The following ENTHD1 variants were observed in gnomAD, a reference collection of about 807,000 sequenced individuals.
ENTHD1 encodes the protein ENTH domain-containing protein 1.
A neutral mutation model predicts 39.1 loss-of-function variants in ENTHD1; 23 were observed. That is an observed-to-expected ratio of 0.59 (90% CI 0.42 to 0.83). The LOEUF (loss-of-function observed/expected upper bound fraction) is 0.83, where lower values mean the gene tolerates loss of function less well. ENTHD1 is among the 40% of genes least tolerant of loss of function. ENTHD1 has a pLI of 0.00. For synonymous variants in ENTHD1, 230 were observed against 258.2 expected (o/e 0.89, Z 1.05); for missense variants, 624 against 705.4 (o/e 0.88, Z 1.31).
chr22:39,819,783 G>A (rs1440031461), intron 5 of ENTHD1, among the ~76,000 whole-genome samples: 2 of 152,190 alleles, frequency 1.3e-5, no homozygotes, highest in African/African-American at 2.4e-5. Flanking sequence ...TGTAACAAAT[G>A]TACCACTCTG....
chr22:39,774,371 TAATCCTG>T (rs2065351040), intron 5 of ENTHD1, among the ~76,000 whole-genome samples: 1 of 152,176 alleles, frequency 6.6e-6, no homozygotes, highest in Admixed American at 6.6e-5. Context: ...TCACACATAT[TAATCCTG>T]AACCCTGACC....
At chr22:39,874,814 AAAC>A (rs1340543032) in intron 2 of ENTHD1, among the ~76,000 whole-genome samples, 1 of 152,270 alleles carries the variant, frequency 6.6e-6, no homozygotes, top group Non-Finnish European at 1.5e-5. Flanking sequence ...AACCAAATTG[AAAC>A]AACATTATAC....
intron 4 of ENTHD1, among the ~76,000 whole-genome samples, chr22:39,834,053 T>C (rs1188617232): frequency 1.3e-5 from 2 of 152,044 alleles, no homozygotes; most frequent in Admixed American, 6.5e-5. Context: ...ATGACACTTT[T>C]AGGAGAAAAC....
rs112597240 is a variant in ENTHD1, at chr22:39,761,499, G to A, written c.1219+3724C>T. Among the ~76,000 whole-genome samples the A allele has an allele frequency of 2.8e-4, 42 of 152,194 alleles. 1 individual carries two copies. The highest frequency in any genetic ancestry group is 9.6e-4 in the African/African-American group (40 of 41,542). On this transcript the variant is annotated intron_variant, in intron 6 of 6. Transcript: ENST00000325157. ...ACACATTTGGAGAGGTTTGAGCATT[G>A]TCTCTTCAAATGATTTTTTCTGACC...
intron 3 of ENTHD1, among the ~76,000 whole-genome samples, chr22:39,855,215 A>C (rs1265026215): frequency 6.6e-6 from 1 of 152,246 alleles, no homozygotes; most frequent in Non-Finnish European, 1.5e-5. Flanking sequence ...TTCTGTGACT[A>C]AGCTAAACAT....
chr22:39,863,461 C>T (rs959040092), intron 2 of ENTHD1, among the ~76,000 whole-genome samples: 25 of 152,086 alleles, frequency 1.6e-4, no homozygotes, highest in Non-Finnish European at 1.8e-4. Flanking sequence ...GTCAGGTGGT[C>T]TATCTGGGCC....
intron 5 of ENTHD1, among the ~76,000 whole-genome samples, chr22:39,806,922 A>G (rs1234541435): frequency 2.0e-5 from 3 of 152,098 alleles, no homozygotes; most frequent in Non-Finnish European, 2.9e-5. Context: ...AAAGCATGAG[A>G]GAATATGGTG....
chr22:39,760,796 A>G (rs936343626), intron 6 of ENTHD1, among the ~76,000 whole-genome samples: 1 of 152,092 alleles, frequency 6.6e-6, no homozygotes, highest in Non-Finnish European at 1.5e-5. Flanking sequence ...GTAATTAAAT[A>G]TGCATGCTTA....
chr22:39,806,315 A>G (rs1345556949), intron 5 of ENTHD1, among the ~76,000 whole-genome samples: 1 of 152,202 alleles, frequency 6.6e-6, no homozygotes, highest in East Asian at 1.9e-4. Context: ...AATGTTAACA[A>G]TCAAGTGTCA....
intron 3 of ENTHD1, among the ~76,000 whole-genome samples, chr22:39,838,649 T>G (rs542845866): frequency 6.6e-6 from 1 of 152,240 alleles, no homozygotes; most frequent in Non-Finnish European, 1.5e-5. Context: ...CTAATAAAAT[T>G]ATATTTAACA....
intron 2 of ENTHD1, among the ~76,000 whole-genome samples, chr22:39,866,994 C>G (rs2146735097): frequency 6.6e-6 from 1 of 152,294 alleles, no homozygotes; most frequent in South Asian, 2.1e-4. Context: ...GCTCTGCCTC[C>G]TGGGTTCAAG....
chr22:39,783,674 T>A (rs1451713715), intron 5 of ENTHD1, among the ~76,000 whole-genome samples: 1 of 152,062 alleles, frequency 6.6e-6, no homozygotes, highest in Non-Finnish European at 1.5e-5. Context: ...CAATAAGTGG[T>A]GCTGGGAAAA....
At chr22:39,826,520 A>G (rs2065827942) in intron 4 of ENTHD1, among the ~76,000 whole-genome samples, 1 of 151,912 alleles carries the variant, frequency 6.6e-6, no homozygotes, top group African/African-American at 2.4e-5. Flanking sequence ...TAGATTATTG[A>G]TTTCAAACCT....
At chr22:39,891,423 T>C (rs1255783471) in intron 1 of ENTHD1, among the ~76,000 whole-genome samples, 1 of 152,066 alleles carries the variant, frequency 6.6e-6, no homozygotes, top group Non-Finnish European at 1.5e-5. Flanking sequence ...GATTGAATGA[T>C]TCTGCCTTGG....
intron 6 of ENTHD1, 58 bp from the exon 7 acceptor site, chr22:39,744,341 C>A (rs1466957307): frequency 2.1e-6 from 3 of 1,444,684 alleles, no homozygotes; most frequent in African/African-American, 2.9e-5. Context: ...AGAGTAATAG[C>A]TAAAATAATT....
intron 3 of ENTHD1, among the ~76,000 whole-genome samples, chr22:39,851,260 A>C (rs1228158693): frequency 6.6e-6 from 1 of 152,152 alleles, no homozygotes; most frequent in Non-Finnish European, 1.5e-5. Context: ...TATTACTTTC[A>C]TATTTTCCAT....
intron 2 of ENTHD1, among the ~76,000 whole-genome samples, chr22:39,868,130 C>T (rs539980200): frequency 2.0e-5 from 3 of 151,938 alleles, no homozygotes; most frequent in Admixed American, 6.5e-5. Flanking sequence ...AACTGCTTCC[C>T]GGGATACAAC....
At chr22:39,818,117 T>C (rs2065748015) in intron 5 of ENTHD1, among the ~76,000 whole-genome samples, 1 of 152,210 alleles carries the variant, frequency 6.6e-6, no homozygotes, top group Admixed American at 6.5e-5. Flanking sequence ...TCTGGTCCTT[T>C]CTTTCACAAA....
chr22:39,814,347 C>T (rs143586402), intron 5 of ENTHD1, among the ~76,000 whole-genome samples: 1 of 150,854 alleles, frequency 6.6e-6, no homozygotes, highest in East Asian at 1.9e-4. Context: ...GTAGTCCCAG[C>T]TACTTGGGAG....
Sources: gnomAD v4.1 joint callset for allele counts (sites outside exome capture counted in the v4.1 genomes callset) on GRCh38, gnomAD v4.1.1 for gene constraint, MANE v1.5 for transcripts, NCBI Gene and HGNC (gene_info 2026-07-23, HGNC 2026-07-21) for gene names.